The following DEPTOR variants were observed in gnomAD, a reference collection of about 807,000 sequenced individuals.
The protein encoded by DEPTOR is DEP domain-containing mTOR-interacting protein.
In DEPTOR, 41 loss-of-function variants were observed where a neutral mutation model predicts 41.6. That is an observed-to-expected ratio of 0.98 (90% CI 0.77 to 1.28). DEPTOR has a LOEUF of 1.28. DEPTOR is among the 50% of genes most tolerant of loss of function. The probability of loss-of-function intolerance (pLI) is 0.00; values close to 1 mark genes in which losing one functional copy is unlikely to be tolerated. For missense variants in DEPTOR, 514 were observed against 527.9 expected, an observed-to-expected ratio of 0.97 and a Z score of 0.26; for synonymous variants, 195 against 192.3, an observed-to-expected ratio of 1.01 and a Z score of -0.12.
At chr8:119,913,357 A>G (rs1827769042) in intron 1 of DEPTOR, among the ~76,000 whole-genome samples, 1 of 152,212 alleles carries the variant, frequency 6.6e-6, no homozygotes, top group African/African-American at 2.4e-5. Flanking sequence ...GAGGACGAAC[A>G]AAGAGAGGGG....
chr8:119,885,807 T>C (rs1400991949), intron 1 of DEPTOR, among the ~76,000 whole-genome samples: 1 of 152,200 alleles, frequency 6.6e-6, no homozygotes, highest in East Asian at 1.9e-4. Context: ...CTGTATTGCT[T>C]TATCACATGA....
At chr8:120,020,123 T>C (rs2176748) in intron 8 of DEPTOR, among the ~76,000 whole-genome samples, 123,320 of 151,974 alleles carry the variant, frequency 0.81, 50,118 homozygotes, top group African/African-American at 0.83. Context: ...AGTCTCACTC[T>C]GTCACCCAGG....
intron 1 of DEPTOR, among the ~76,000 whole-genome samples, chr8:119,921,425 C>T (rs1480941736): frequency 2.6e-5 from 4 of 152,094 alleles, no homozygotes; most frequent in Non-Finnish European, 4.4e-5. Flanking sequence ...ATACAATTTT[C>T]AAAGCTCATT....
chr8:119,960,396 G>A (rs984788881), intron 3 of DEPTOR, among the ~76,000 whole-genome samples: 6 of 152,142 alleles, frequency 3.9e-5, no homozygotes, highest in Non-Finnish European at 8.8e-5. Flanking sequence ...TACATGACTA[G>A]TTTGTAGCAG....
At chr8:119,895,228 G>C (rs528216090) in intron 1 of DEPTOR, among the ~76,000 whole-genome samples, 63 of 152,322 alleles carry the variant, frequency 4.1e-4, no homozygotes, top group South Asian at 8.3e-4. Flanking sequence ...TGACTTAAAA[G>C]TATGGGTGCC....
At chr8:119,964,344 G>A (rs995893547) in intron 3 of DEPTOR, among the ~76,000 whole-genome samples, 3 of 151,946 alleles carry the variant, frequency 2.0e-5, no homozygotes, top group Non-Finnish European at 4.4e-5. Flanking sequence ...GTGAAACCCC[G>A]TCTCTACTAA....
chr8:119,941,328 G>A (rs989461767), intron 3 of DEPTOR, among the ~76,000 whole-genome samples: 15 of 122,312 alleles, frequency 1.2e-4, no homozygotes, highest in Admixed American at 4.4e-4. Context: ...AGCAGAGATC[G>A]CACCATTGCA....
At chr8:120,030,769 C>A (rs1812879418) in intron 8 of DEPTOR, among the ~76,000 whole-genome samples, 1 of 151,802 alleles carries the variant, frequency 6.6e-6, no homozygotes, top group South Asian at 2.1e-4. Context: ...GCTGGGATTA[C>A]CGGTGTAAGC....
intron 4 of DEPTOR, among the ~76,000 whole-genome samples, chr8:119,965,897 C>T (rs535294772): frequency 1.3e-5 from 2 of 152,264 alleles, no homozygotes; most frequent in East Asian, 1.9e-4. Context: ...TATCACTTTC[C>T]GTTTAGGGCC....
chr8:120,022,318 AGTTT>A (rs1812731969), intron 8 of DEPTOR, among the ~76,000 whole-genome samples: 1 of 152,154 alleles, frequency 6.6e-6, no homozygotes, highest in African/African-American at 2.4e-5. Context: ...CTAATTGCTA[AGTTT>A]GTTTAACGTT....
At chr8:119,915,185 T>C (rs181304087) in intron 1 of DEPTOR, among the ~76,000 whole-genome samples, 5 of 152,234 alleles carry the variant, frequency 3.3e-5, no homozygotes, top group Non-Finnish European at 7.4e-5. Flanking sequence ...CAGGATGGTC[T>C]TGATCTCTTG....
rs193195563 is a variant in DEPTOR at position 119,936,363 on chromosome 8, C to T, written c.425+6425C>T. Among the ~76,000 whole-genome samples the T allele has an allele frequency of 9.9e-5, 15 of 152,260 alleles. No individual in the cohort carries two copies. In the East Asian group the frequency reaches 2.5e-3, roughly 25 times the overall value. ...AACAAAGGGCTCTACATGTTGTGATCGCTATAAGCTGCTGAGCCTGTACCA... is the reference window on the plus strand; with the variant it reads ...AACAAAGGGCTCTACATGTTGTGATTGCTATAAGCTGCTGAGCCTGTACCA... On this transcript the variant is annotated intron_variant, in intron 3 of 8. Transcript: ENST00000286234.
At chr8:119,881,544 A>G (rs1827296818) in intron 1 of DEPTOR, among the ~76,000 whole-genome samples, 1 of 152,058 alleles carries the variant, frequency 6.6e-6, no homozygotes, top group African/African-American at 2.4e-5. Flanking sequence ...ATAAAAAAAA[A>G]AAAGGTAAAA....
At chr8:120,003,170 G>A (rs376900095) in intron 6 of DEPTOR, 59 bp downstream of exon 6, 24 of 1,584,390 alleles carry the variant, frequency 1.5e-5, no homozygotes, top group East Asian at 1.1e-4. Flanking sequence ...CAGGTCCCTG[G>A]GAAGCAGAAT....
intron 4 of DEPTOR, among the ~76,000 whole-genome samples, chr8:119,993,663 T>G (rs1281991404): frequency 1.3e-5 from 2 of 152,178 alleles, no homozygotes; most frequent in African/African-American, 4.8e-5. Flanking sequence ...TGTATATCAC[T>G]GGGATCTGAG....
rs1827839877 is a variant in DEPTOR, at chr8:119,918,265, C to CT, written c.123-10134dup. On this transcript the variant is annotated intron_variant, in intron 1 of 8. Transcript: ENST00000286234. ...GAGGGGCAACCCACCTCTTTACTTC[C>CT]TGGGTGTGTTTATCCTCTCAATCCA... Among the ~76,000 whole-genome samples, 4 of 152,232 alleles carry CT rather than the reference C, an allele frequency of 2.6e-5. No homozygotes were observed. In the South Asian group the frequency reaches 8.3e-4, roughly 32 times the overall value.
chr8:119,930,076 C>A, intron 3 of DEPTOR, 138 bp downstream of exon 3: 1 of 1,034,290 alleles, frequency 9.7e-7, no homozygotes, highest in Non-Finnish European at 1.3e-6. Flanking sequence ...TATGAGAAAA[C>A]TATCAAGCAT....
intron 8 of DEPTOR, among the ~76,000 whole-genome samples, chr8:120,030,419 A>G (rs1812868057): frequency 6.7e-6 from 1 of 150,040 alleles, no homozygotes; most frequent in South Asian, 2.1e-4. Context: ...CCAGAGCCAT[A>G]GCATGTGCGA....
At chr8:120,035,099 C>T (rs1013990739) in intron 8 of DEPTOR, among the ~76,000 whole-genome samples, 1 of 152,090 alleles carries the variant, frequency 6.6e-6, no homozygotes, top group Non-Finnish European at 1.5e-5. Flanking sequence ...AGGCAGATCA[C>T]TTGAATCCAG....
Sources: allele counts gnomAD v4.1 joint callset (sites outside exome capture counted in the v4.1 genomes callset), GRCh38; gene constraint gnomAD v4.1.1; transcripts MANE v1.5; gene names NCBI Gene and HGNC (gene_info 2026-07-23, HGNC 2026-07-21).